OSBPL6: variants seen among roughly 807,000 people sequenced by gnomAD.
OSBPL6 encodes the protein oxysterol binding protein like 6.
In OSBPL6, 49 loss-of-function variants were observed where a neutral mutation model predicts 125.8. That is an observed-to-expected ratio of 0.39 (90% CI 0.31 to 0.49). OSBPL6 has a LOEUF of 0.49. OSBPL6 is among the 20% of genes least tolerant of loss of function. OSBPL6 has a pLI of 0.88. For synonymous variants in OSBPL6, 394 were observed against 391.8 expected, an observed-to-expected ratio of 1.01 and a Z score of -0.07; for missense variants, 986 against 1,135.4, an observed-to-expected ratio of 0.87 and a Z score of 1.89.
At chr2:178,198,809 C>T (rs1477259019) in intron 1 of OSBPL6, among the ~76,000 whole-genome samples, 3 of 152,140 alleles carry the variant, frequency 2.0e-5, no homozygotes, top group Non-Finnish European at 4.4e-5. Flanking sequence ...AGAGTAAAAA[C>T]TCACCACATA....
chr2:178,203,762 A>G (rs2089380572), intron 1 of OSBPL6, among the ~76,000 whole-genome samples: 4 of 152,154 alleles, frequency 2.6e-5, no homozygotes, highest in Admixed American at 1.3e-4. Context: ...TGGCTTTAAG[A>G]TTTGTTTAGT....
chr2:178,398,811 A>G lies in OSBPL6; in HGVS notation c.*3252A>G, dbSNP rs1320727910. Reference sequence around the variant, plus strand: ...AGCAACCCCACTAATCAATTATTAGATCCTGCCCCAAGGAGCAGTGGCTTG... The same window carrying G: ...AGCAACCCCACTAATCAATTATTAGGTCCTGCCCCAAGGAGCAGTGGCTTG... On this transcript the variant is annotated 3_prime_UTR_variant, in exon 25 of 25. Transcript: ENST00000190611. The G allele has an allele frequency of 6.6e-6, 1 of 152,146 alleles. No homozygotes were observed. The highest frequency in any genetic ancestry group is 1.5e-5 in the Non-Finnish European group (1 of 68,022). The allele number at this position is 152,146 out of a possible 1,614,324, so 9.4% of individuals were successfully genotyped here.
intron 1 of OSBPL6, among the ~76,000 whole-genome samples, chr2:178,209,442 T>C (rs775517918): frequency 1.0e-5 from 1 of 99,482 alleles, no homozygotes; most frequent in Non-Finnish European, 2.0e-5. Context: ...TTTCTTTCTT[T>C]TTTTTTTTTT....
At chr2:178,225,797 A>G (rs1045545213) in intron 1 of OSBPL6, among the ~76,000 whole-genome samples, 1 of 152,208 alleles carries the variant, frequency 6.6e-6, no homozygotes, top group Non-Finnish European at 1.5e-5. Context: ...ATTCAGTATC[A>G]TGATAACAGC....
intron 23 of OSBPL6, among the ~76,000 whole-genome samples, chr2:178,393,344 T>C (rs909672233): frequency 2.6e-5 from 4 of 152,246 alleles, no homozygotes; most frequent in Non-Finnish European, 5.9e-5. Flanking sequence ...TACAGTACCT[T>C]TAATACCTTC....
At chr2:178,354,995 T>A (rs1053941952) in intron 12 of OSBPL6, among the ~76,000 whole-genome samples, 7 of 151,962 alleles carry the variant, frequency 4.6e-5, no homozygotes, top group African/African-American at 1.7e-4. Flanking sequence ...TACTGGGTAA[T>A]TAACGAAATG....
At chr2:178,265,625 A>G (rs2092209756) in intron 1 of OSBPL6, among the ~76,000 whole-genome samples, 1 of 152,102 alleles carries the variant, frequency 6.6e-6, no homozygotes, top group African/African-American at 2.4e-5. Context: ...TTAAGTGGGA[A>G]GATTTATCAC....
chr2:178,317,393 C>T (rs954518526), intron 3 of OSBPL6, among the ~76,000 whole-genome samples: 24 of 144,302 alleles, frequency 1.7e-4, no homozygotes, highest in Non-Finnish European at 2.9e-4. Context: ...CATTTGATCT[C>T]ACGGTAATTT....
At chr2:178,217,343 C>T (rs2090132072) in intron 1 of OSBPL6, among the ~76,000 whole-genome samples, 1 of 152,176 alleles carries the variant, frequency 6.6e-6, no homozygotes, top group Non-Finnish European at 1.5e-5. Context: ...AACTGAGAGG[C>T]ATGACAAATA....
chr2:178,336,698 C>T (rs1201514493), intron 9 of OSBPL6, among the ~76,000 whole-genome samples: 1 of 152,122 alleles, frequency 6.6e-6, no homozygotes, highest in African/African-American at 2.4e-5. Context: ...CTACCCACTT[C>T]AGCCTTCTCT....
chr2:178,216,527 G>A (rs1268532878), intron 1 of OSBPL6, among the ~76,000 whole-genome samples: 2 of 152,170 alleles, frequency 1.3e-5, no homozygotes, highest in African/African-American at 4.8e-5. Flanking sequence ...TTCTTTTATT[G>A]GTTGAGAATG....
chr2:178,317,437 C>CATATATATATATAT (rs6147046), intron 3 of OSBPL6, among the ~76,000 whole-genome samples: 1 of 106,944 alleles, frequency 9.4e-6, no homozygotes, highest in Non-Finnish European at 1.8e-5. Flanking sequence ...ACTTAGACAC[C>CATATATATATATAT]ATATATATAT....
At chr2:178,307,246 G>A (rs2154059768) in intron 3 of OSBPL6, among the ~76,000 whole-genome samples, 1 of 152,210 alleles carries the variant, frequency 6.6e-6, no homozygotes, top group African/African-American at 2.4e-5. Flanking sequence ...TGGGTCTTGA[G>A]ACAGCCACTT....
intron 1 of OSBPL6, among the ~76,000 whole-genome samples, chr2:178,259,596 G>A (rs1037563269): frequency 2.0e-5 from 3 of 151,896 alleles, no homozygotes; most frequent in African/African-American, 7.3e-5. Flanking sequence ...TAGGTTGGAG[G>A]AAGAGAACAC....
chr2:178,344,994 T>C (rs76767610), intron 11 of OSBPL6, among the ~76,000 whole-genome samples: 1 of 152,148 alleles, frequency 6.6e-6, no homozygotes, highest in Non-Finnish European at 1.5e-5. Flanking sequence ...GGTTTTTTTT[T>C]CTGAGAGAAA....
chr2:178,274,406 T>G (rs561494952), intron 1 of OSBPL6, among the ~76,000 whole-genome samples: 1 of 152,160 alleles, frequency 6.6e-6, no homozygotes, highest in East Asian at 1.9e-4. Context: ...TAGTCTTAAG[T>G]GCTATATATA....
Position 178,206,038 on chromosome 2 carries a change from A to G in OSBPL6, c.-351+11364A>G, listed in dbSNP as rs142738927. ...ACCTTCAACTACTTGAGCCTACCCA[A>G]TATGCTGATTAATCAGATGATGCAT... On this transcript the variant is annotated intron_variant, in intron 1 of 24. Coordinates refer to ENST00000190611, the MANE Select transcript of OSBPL6 (RefSeq NM_032523.4). Among the ~76,000 whole-genome samples the G allele has an allele frequency of 3.2e-4, 48 of 152,350 alleles. 1 individual carries two copies. The East Asian group carries it at 8.9e-3, about 28-fold the overall frequency.
At chr2:178,325,756 G>A (rs900458884) in intron 4 of OSBPL6, among the ~76,000 whole-genome samples, 5 of 152,150 alleles carry the variant, frequency 3.3e-5, no homozygotes, top group Admixed American at 3.3e-4. Flanking sequence ...GATAATTATG[G>A]CATAGTTTTC....
At chr2:178,318,713 T>C (rs1434081) in intron 3 of OSBPL6, among the ~76,000 whole-genome samples, 146,024 of 152,258 alleles carry the variant, frequency 0.96, 70,081 homozygotes, top group Non-Finnish European at 0.98. Flanking sequence ...GTCCTGATCA[T>C]GAGGTGATGC....
Sources: allele counts gnomAD v4.1 joint callset (sites outside exome capture counted in the v4.1 genomes callset), GRCh38; gene constraint gnomAD v4.1.1; transcripts MANE v1.5; gene names NCBI Gene and HGNC (gene_info 2026-07-23, HGNC 2026-07-21).